Variants in CAP1 observed in about 807,000 individuals in gnomAD.
CAP1 encodes cyclase associated actin cytoskeleton regulatory protein 1, also known as adenylyl cyclase-associated protein 1.
CAP1 carries 11 observed loss-of-function variants against 58.2 expected under a neutral mutation model. That is an observed-to-expected ratio of 0.19 (90% confidence interval 0.12 to 0.31). CAP1 has a LOEUF of 0.31. Ranked by LOEUF, CAP1 falls within the 10% of genes least tolerant of loss-of-function variation. The pLI, the probability that CAP1 is intolerant of heterozygous loss-of-function variation, is 1.00. For missense variants in CAP1, 423 were observed against 587.5 expected, an observed-to-expected ratio of 0.72 and a Z score of 2.89; for synonymous variants, 183 against 213.8, an observed-to-expected ratio of 0.86 and a Z score of 1.26.
Position 40,058,194 on chromosome 1 carries a change from A to C in CAP1, c.-10-1143A>C, listed in dbSNP as rs528387602. Among the ~76,000 whole-genome samples, 4 of 152,254 alleles carry C rather than the reference A, an allele frequency of 2.6e-5. No homozygotes were observed. The South Asian group carries it at 8.3e-4, about 32-fold the overall frequency. ...AAAGATCTATAACAAATTCTTTTGG[A>C]TGTGTCTAGTGTCCTTCCCTACTGC... is the stretch of plus-strand genomic sequence containing the variant. On this transcript the variant is annotated intron_variant, in intron 1 of 12. Coordinates refer to ENST00000372805, the MANE Select transcript of CAP1 (RefSeq NM_006367.4).
At chr1:40,041,414 T>C (rs1645824339) in intron 1 of CAP1, 1 of 152,136 alleles carries the variant, frequency 6.6e-6, no homozygotes, top group South Asian at 2.1e-4. Context: ...GGCGGGCACA[T>C]CCTTGTATTT....
At chr1:40,041,131 A>G (rs1430451990) in intron 1 of CAP1, among the ~76,000 whole-genome samples, 1 of 152,196 alleles carries the variant, frequency 6.6e-6, no homozygotes, top group African/African-American at 2.4e-5. Flanking sequence ...TGATGCTCCC[A>G]TTGCACTGAT....
intron 8 of CAP1, 134 bp downstream of exon 8, chr1:40,067,851 G>A: frequency 6.7e-6 from 4 of 596,196 alleles, no homozygotes; most frequent in Non-Finnish European, 1.2e-5. Flanking sequence ...GTTCCTTTAA[G>A]GGACGGCAAA....
At chr1:40,043,758 T>G (rs1310538745) in intron 1 of CAP1, among the ~76,000 whole-genome samples, 2 of 152,088 alleles carry the variant, frequency 1.3e-5, no homozygotes, top group East Asian at 3.9e-4. Context: ...ATGCCTGTAG[T>G]CCCAGCTACT....
chr1:40,068,380 C>T (rs992909933), intron 8 of CAP1, among the ~76,000 whole-genome samples: 1 of 152,062 alleles, frequency 6.6e-6, no homozygotes, highest in African/African-American at 2.4e-5. Context: ...AAGCAATTCT[C>T]CTGCCTCAGC....
chr1:40,053,598 C>CCACT lies in CAP1; in HGVS notation c.-10-5738_-10-5737insACTC, dbSNP rs2124273243. ...AAGTAGCTGGGATTACAGGCATGCA[C>CCACT]CGCTACTCCAGGCTAATTTTGTATT... is the stretch of plus-strand genomic sequence containing the variant. On this transcript the variant is annotated intron_variant, in intron 1 of 12. Coordinates refer to ENST00000372805, the MANE Select transcript of CAP1 (RefSeq NM_006367.4). 1.3e-5 allele frequency among the ~76,000 whole-genome samples: 2 copies of CCACT among 152,256 alleles called. 1 individual carries two copies. Among genetic ancestry groups the CCACT allele is most frequent in the South Asian group, 4.1e-4 (2 of 4,828 alleles).
At chr1:40,071,348 C>A in intron 12 of CAP1, 102 bp from the exon 13 acceptor site, 1 of 793,494 alleles carries the variant, frequency 1.3e-6, no homozygotes, top group Non-Finnish European at 2.1e-6. Context: ...GTACCGTGCT[C>A]CTGGGGTTAA....
At chr1:40,045,146 A>G (rs1284233963) in intron 1 of CAP1, among the ~76,000 whole-genome samples, 1 of 152,042 alleles carries the variant, frequency 6.6e-6, no homozygotes, top group Admixed American at 6.6e-5. Flanking sequence ...ATCTGTCTCT[A>G]CCCAGTAGAT....
chr1:40,059,357 T>C lies in CAP1; in HGVS notation c.11T>C (p.Met4Thr). Residue 4 changes from methionine (M) to threonine (T), a missense_variant, in exon 2 of 13, where the codon ATG becomes ACG. Physicochemically the swap from Met to Thr is moderately conservative, Grantham distance 81 (BLOSUM62 -1). Transcript: ENST00000372805. ...AGCAGGTGGTCCATTATGGCTGACA[T>C]GCAAAATCTGGTAGAAAGATTGGAG... MAD[M>T]QNLVERLERA... is the part of the protein sequence containing the mutation. 1 of 1,610,576 alleles carries C rather than the reference T, an allele frequency of 6.2e-7. No homozygotes were observed. The highest frequency in any genetic ancestry group is 8.5e-7 in the Non-Finnish European group (1 of 1,176,800).
At chr1:40,055,608 G>A (rs1646578679) in intron 1 of CAP1, among the ~76,000 whole-genome samples, 1 of 152,088 alleles carries the variant, frequency 6.6e-6, no homozygotes, top group Admixed American at 6.5e-5. Flanking sequence ...CTGGGCCTAA[G>A]CCATCCTCCC....
intron 7 of CAP1, 87 bp from the exon 8 acceptor site, chr1:40,067,453 T>C (rs946736425): frequency 1.7e-6 from 2 of 1,175,184 alleles, no homozygotes; most frequent in Non-Finnish European, 2.4e-6. Context: ...GGGGACCCCA[T>C]GTGCACTGGC....
At chr1:40,069,154 G>A (rs971893849) in intron 8 of CAP1, among the ~76,000 whole-genome samples, 2 of 152,138 alleles carry the variant, frequency 1.3e-5, no homozygotes, top group African/African-American at 4.8e-5. Context: ...TTAAACTACA[G>A]GTTAACATGA....
intron 11 of CAP1, 88 bp from the exon 12 acceptor site, chr1:40,070,748 G>T: frequency 1.7e-6 from 2 of 1,200,236 alleles, no homozygotes; most frequent in South Asian, 2.8e-5. Flanking sequence ...TGTAGTTGCT[G>T]AGTCACGTGA....
intron 6 of CAP1, among the ~76,000 whole-genome samples, chr1:40,064,864 G>A (rs759110493): frequency 1.3e-4 from 20 of 152,172 alleles, no homozygotes; most frequent in Non-Finnish European, 2.8e-4. Context: ...GCCCAGCCAA[G>A]TTCAGCTTTT....
chr1:40,067,691 T>G lies in CAP1; in HGVS notation c.782T>G (p.Ile261Ser). Reference protein sequence around the residue: ...SASRSSLFAQINQGESITHAL... With the variant: ...SASRSSLFAQSNQGESITHAL... ...TCCCGCTCATCACTGTTCGCGCAGATTAATCAGGGGGAGAGCATTACACAT... is the reference window on the plus strand; with the variant it reads ...TCCCGCTCATCACTGTTCGCGCAGAGTAATCAGGGGGAGAGCATTACACAT... The change falls in exon 8 of 13, where the codon ATT becomes AGT. Residue 261 changes from isoleucine (I) to serine (S), a missense_variant. By Grantham distance (142) the Ile-to-Ser change is moderately radical. Transcript: ENST00000372805. 1 of 1,595,602 alleles carries G rather than the reference T, an allele frequency of 6.3e-7. No individual in the cohort carries two copies. Among genetic ancestry groups the G allele is most frequent in the Non-Finnish European group, 8.5e-7 (1 of 1,170,752 alleles).
intron 1 of CAP1, among the ~76,000 whole-genome samples, chr1:40,055,467 G>A (rs1348851107): frequency 6.6e-6 from 1 of 152,134 alleles, no homozygotes; most frequent in Non-Finnish European, 1.5e-5. Context: ...TGTAACTAGG[G>A]GAGACTAGCC....
intron 4 of CAP1, among the ~76,000 whole-genome samples, chr1:40,062,457 T>C (rs1245052289): frequency 1.3e-5 from 2 of 152,074 alleles, no homozygotes; most frequent in African/African-American, 2.4e-5. Context: ...ATGTCAAATA[T>C]ATTAGATTCT....
chr1:40,071,116 A>C (rs1261104176), intron 12 of CAP1, 137 bp downstream of exon 12: 65 of 840,516 alleles, frequency 7.7e-5, no homozygotes, highest in Non-Finnish European at 1.1e-4. Context: ...AGTACACAGA[A>C]ATGAGGTAGT....
intron 8 of CAP1, among the ~76,000 whole-genome samples, chr1:40,069,336 T>C (rs1647344593): frequency 6.6e-6 from 1 of 152,008 alleles, no homozygotes; most frequent in Non-Finnish European, 1.5e-5. Context: ...ATTTTTTTCT[T>C]TTCCTTTTAC....
Sources: allele counts gnomAD v4.1 joint callset (sites outside exome capture counted in the v4.1 genomes callset), GRCh38; gene constraint gnomAD v4.1.1; transcripts MANE v1.5; gene names NCBI Gene and HGNC (gene_info 2026-07-23, HGNC 2026-07-21).